FRMPD4: variants seen among roughly 807,000 people sequenced by gnomAD.
FRMPD4 encodes FERM and PDZ domain containing 4.
FRMPD4 carries 22 observed loss-of-function variants against 94.1 expected under a neutral mutation model. The ratio of observed to expected loss-of-function variants is 0.23; its 90% CI spans 0.17 to 0.33. The LOEUF is 0.33. Among genes scored for constraint, FRMPD4 ranks in the 10% least tolerant of loss-of-function variants. The probability of loss-of-function intolerance (pLI) is 1.00; values close to 1 mark genes in which losing one functional copy is unlikely to be tolerated. For synonymous variants in FRMPD4, 631 were observed against 548.6 expected (o/e 1.15, Z -2.10); for missense variants, 1,111 against 1,339.9 (o/e 0.83, Z 2.67).
At chrX:12,210,745 A>T (rs1445601193) in intron 1 of FRMPD4, among the ~76,000 whole-genome samples, 3 of 111,107 alleles carry the variant, frequency 2.7e-5, no homozygotes, top group Non-Finnish European at 1.9e-5. Flanking sequence ...CACACACTAA[A>T]AAAGGGGAAA....
intron 3 of FRMPD4, among the ~76,000 whole-genome samples, chrX:12,002,075 GC>G (rs901467321): frequency 3.6e-5 from 4 of 111,952 alleles, no homozygotes; most frequent in African/African-American, 1.3e-4. Context: ...TTCCTTGGAG[GC>G]CAGTTCTCAT....
At chrX:11,889,231 C>G (rs1601823752) in intron 3 of FRMPD4, among the ~76,000 whole-genome samples, 1 of 112,273 alleles carries the variant, frequency 8.9e-6, no homozygotes, top group East Asian at 2.8e-4. Context: ...TCCCCACTAG[C>G]CCTGAACAAA....
chrX:11,898,186 G>T (rs1457486352), intron 3 of FRMPD4, among the ~76,000 whole-genome samples: 2 of 110,872 alleles, frequency 1.8e-5, no homozygotes, highest in African/African-American at 6.6e-5. Flanking sequence ...GATGGGTCTA[G>T]ATCAGTGATT....
intron 1 of FRMPD4, among the ~76,000 whole-genome samples, chrX:12,457,122 T>C (rs1569283782): frequency 8.9e-6 from 1 of 112,516 alleles, no homozygotes; most frequent in African/African-American, 3.2e-5. Flanking sequence ...CTGTTTGCAA[T>C]CACAGCTGAG....
intron 4 of FRMPD4, among the ~76,000 whole-genome samples, chrX:12,621,684 C>T (rs936526009): frequency 3.6e-5 from 2 of 55,241 alleles, no homozygotes; most frequent in Non-Finnish European, 6.6e-5. Flanking sequence ...TGTGGTGGCC[C>T]GAATCTGTAG....
At chrX:12,673,044 T>C (rs2059859411) in intron 4 of FRMPD4, among the ~76,000 whole-genome samples, 1 of 111,644 alleles carries the variant, frequency 9.0e-6, no homozygotes, top group Middle Eastern at 4.6e-3. Context: ...CCAACTCTCT[T>C]AGTCTCTGTG....
intron 2 of FRMPD4, among the ~76,000 whole-genome samples, chrX:12,524,714 G>A (rs1292787799): frequency 9.0e-6 from 1 of 111,353 alleles, no homozygotes; most frequent in Non-Finnish European, 1.9e-5. Flanking sequence ...TATCATGTTT[G>A]ACCTTGATAT....
chrX:11,890,452 C>T (rs1255604533), intron 3 of FRMPD4, among the ~76,000 whole-genome samples: 1 of 112,110 alleles, frequency 8.9e-6, no homozygotes, highest in Admixed American at 9.4e-5. Flanking sequence ...GAAGACCTAC[C>T]ACCTACAAAA....
intron 1 of FRMPD4, among the ~76,000 whole-genome samples, chrX:12,149,639 G>A (rs2055820300): frequency 8.9e-6 from 1 of 112,444 alleles, no homozygotes; most frequent in South Asian, 3.6e-4. Context: ...TGAAGGTGCT[G>A]TGAGCATTGT....
chrX:11,902,504 A>T (rs1337564948), intron 3 of FRMPD4, among the ~76,000 whole-genome samples: 2 of 111,777 alleles, frequency 1.8e-5, no homozygotes, highest in Non-Finnish European at 3.8e-5. Flanking sequence ...TAAGGATGCT[A>T]ATTCCATCGT....
At chrX:12,248,719 C>A (rs1465775099) in intron 1 of FRMPD4, among the ~76,000 whole-genome samples, 3 of 112,279 alleles carry the variant, frequency 2.7e-5, no homozygotes, top group African/African-American at 9.7e-5. Context: ...TTCTTTTAGC[C>A]TTTTTTTCCT....
chrX:12,489,038 A>G (rs2057766651), intron 1 of FRMPD4, among the ~76,000 whole-genome samples: 1 of 111,879 alleles, frequency 8.9e-6, no homozygotes, highest in Admixed American at 9.5e-5. Flanking sequence ...CAAAGAGCTT[A>G]TGACTCATGA....
intron 3 of FRMPD4, among the ~76,000 whole-genome samples, chrX:12,095,616 A>G (rs940677134): frequency 9.0e-6 from 1 of 110,691 alleles, no homozygotes; most frequent in African/African-American, 3.3e-5. Flanking sequence ...CCTCTGCTCT[A>G]GTCCAGCAAA....
chrX:12,414,344 G>A (rs1219897750), intron 1 of FRMPD4, among the ~76,000 whole-genome samples: 1 of 112,133 alleles, frequency 8.9e-6, no homozygotes, highest in Non-Finnish European at 1.9e-5. Context: ...GATTCAACAT[G>A]AAATTTCATT....
intron 1 of FRMPD4, among the ~76,000 whole-genome samples, chrX:12,433,305 T>C (rs181707760): frequency 2.7e-5 from 3 of 112,289 alleles, no homozygotes; most frequent in Non-Finnish European, 3.8e-5. Flanking sequence ...TTTTCCTCCA[T>C]GGACGCAACA....
chrX:12,010,981 T>C (rs761576603), intron 3 of FRMPD4, among the ~76,000 whole-genome samples: 2 of 111,793 alleles, frequency 1.8e-5, no homozygotes, highest in South Asian at 3.8e-4. Flanking sequence ...TCTATAGGGG[T>C]AGAGTTAGAA....
intron 2 of FRMPD4, among the ~76,000 whole-genome samples, chrX:12,558,832 C>T (rs763471629): frequency 3.6e-5 from 4 of 111,742 alleles, no homozygotes; most frequent in African/African-American, 6.5e-5. Flanking sequence ...GTCAGGAGTT[C>T]GAGGCTGTAG....
chrX:11,918,269 A>G (rs2054036202), intron 3 of FRMPD4, among the ~76,000 whole-genome samples: 1 of 113,076 alleles, frequency 8.8e-6, no homozygotes, highest in East Asian at 2.8e-4. Flanking sequence ...GAGAGAATAA[A>G]TTTGGTTTTG....
chrX:12,311,738 T>C (rs2055033865), intron 1 of FRMPD4, among the ~76,000 whole-genome samples: 1 of 111,951 alleles, frequency 8.9e-6, no homozygotes, highest in Admixed American at 9.4e-5. Context: ...TCCACTGTCT[T>C]GTAACTTCCG....
Sources: gnomAD v4.1 joint callset for allele counts (sites outside exome capture counted in the v4.1 genomes callset) on GRCh38, gnomAD v4.1.1 for gene constraint, MANE v1.5 for transcripts, NCBI Gene and HGNC (gene_info 2026-07-23, HGNC 2026-07-21) for gene names.